The following TC2N variants were observed in gnomAD, a reference collection of about 807,000 sequenced individuals.
TC2N encodes tandem C2 domains, nuclear, also known as tandem C2 domains nuclear protein.
A neutral mutation model predicts 61.9 loss-of-function variants in TC2N; 51 were observed. The observed-to-expected ratio is 0.82, with a 90% CI of 0.66 to 1.04. TC2N has a LOEUF of 1.04. TC2N is among the 50% of genes least tolerant of loss of function. The pLI is 0.00. For synonymous variants in TC2N, 204 were observed against 192.6 expected, an observed-to-expected ratio of 1.06 and a Z score of -0.49; for missense variants, 556 against 566.7, an observed-to-expected ratio of 0.98 and a Z score of 0.19.
chr14:91,820,131 A>T (rs542850172), intron 1 of TC2N, among the ~76,000 whole-genome samples: 14 of 152,232 alleles, frequency 9.2e-5, no homozygotes, highest in Middle Eastern at 6.8e-3. Context: ...GAAGTATGAT[A>T]CAAGTATATG....
At chr14:91,862,507 G>C (rs1353095507) in intron 1 of TC2N, among the ~76,000 whole-genome samples, 1 of 152,200 alleles carries the variant, frequency 6.6e-6, no homozygotes, top group African/African-American at 2.4e-5. Context: ...CAGCAAAGGA[G>C]CGGAGTGGGG....
chr14:91,856,207 G>A (rs1457274000), intron 1 of TC2N, among the ~76,000 whole-genome samples: 2 of 152,090 alleles, frequency 1.3e-5, no homozygotes, highest in Non-Finnish European at 2.9e-5. Flanking sequence ...TACTTTTAAG[G>A]GCCAGGCGTC....
At chr14:91,823,206 C>T (rs992894099) in intron 1 of TC2N, among the ~76,000 whole-genome samples, 6 of 151,822 alleles carry the variant, frequency 4.0e-5, no homozygotes, top group Admixed American at 1.3e-4. Context: ...AAAACATTAG[C>T]AGAGCCGAAG....
intron 1 of TC2N, among the ~76,000 whole-genome samples, chr14:91,852,937 G>C (rs1888404114): frequency 6.6e-6 from 1 of 152,074 alleles, no homozygotes. Context: ...CAGGCGTGGT[G>C]GTGGGTGCCT....
intron 1 of TC2N, among the ~76,000 whole-genome samples, chr14:91,840,924 C>T (rs1440282983): frequency 6.6e-6 from 1 of 152,166 alleles, no homozygotes; most frequent in Non-Finnish European, 1.5e-5. Flanking sequence ...TCAGTGCCCT[C>T]CCACAAAGCC....
intron 1 of TC2N, among the ~76,000 whole-genome samples, chr14:91,834,177 T>C (rs1488105710): frequency 6.6e-6 from 1 of 152,118 alleles, no homozygotes; most frequent in East Asian, 1.9e-4. Context: ...GGAACTCAGG[T>C]AAAATAGAGT....
At chr14:91,823,721 T>C (rs1267555852) in intron 1 of TC2N, among the ~76,000 whole-genome samples, 1 of 152,144 alleles carries the variant, frequency 6.6e-6, no homozygotes, top group Non-Finnish European at 1.5e-5. Flanking sequence ...GACTATGTGC[T>C]GGCTATCTAC....
intron 1 of TC2N, among the ~76,000 whole-genome samples, chr14:91,834,760 T>C (rs1423201242): frequency 6.6e-6 from 1 of 152,226 alleles, no homozygotes; most frequent in African/African-American, 2.4e-5. Flanking sequence ...ATGAGACCAC[T>C]GCCCCCTAGA....
At chr14:91,839,137 TA>T (rs1413777407) in intron 1 of TC2N, among the ~76,000 whole-genome samples, 1 of 152,210 alleles carries the variant, frequency 6.6e-6, no homozygotes, top group Non-Finnish European at 1.5e-5. Context: ...ATTCATTCTT[TA>T]TTTAATGCAG....
At chr14:91,807,602 AT>A (rs1378247402) in intron 3 of TC2N, among the ~76,000 whole-genome samples, 1 of 152,178 alleles carries the variant, frequency 6.6e-6, no homozygotes, top group Non-Finnish European at 1.5e-5. Flanking sequence ...CCCATTTGGA[AT>A]GGGTGTATTT....
At chr14:91,807,054 T>A (rs372539382) in intron 3 of TC2N, among the ~76,000 whole-genome samples, 36 of 152,276 alleles carry the variant, frequency 2.4e-4, no homozygotes, top group African/African-American at 7.5e-4. Context: ...AAGCCCCAAG[T>A]CTTGGCAGCT....
intron 1 of TC2N, among the ~76,000 whole-genome samples, chr14:91,832,664 C>T (rs1372426150): frequency 6.6e-6 from 1 of 152,102 alleles, no homozygotes; most frequent in Non-Finnish European, 1.5e-5. Context: ...TAAACTGGTA[C>T]AGCCACTTTA....
At chr14:91,859,412 T>C (rs76983200) in intron 1 of TC2N, among the ~76,000 whole-genome samples, 2,255 of 152,134 alleles carry the variant, frequency 0.015, 60 homozygotes, top group African/African-American at 0.052. Flanking sequence ...TCCCTAAGCC[T>C]CCGTACCCGA....
intron 1 of TC2N, among the ~76,000 whole-genome samples, chr14:91,844,374 T>C (rs1019924705): frequency 1.3e-5 from 2 of 152,092 alleles, no homozygotes; most frequent in Admixed American, 6.6e-5. Flanking sequence ...CCAAACAACA[T>C]CCTTGCCAAA....
At chr14:91,795,226 T>C (rs1160353731) in intron 8 of TC2N, among the ~76,000 whole-genome samples, 3 of 152,204 alleles carry the variant, frequency 2.0e-5, no homozygotes. Flanking sequence ...CTGGTGAAGA[T>C]GCTGTGAACG....
At chr14:91,796,191 TCTAG>T (rs547590318) in intron 8 of TC2N, among the ~76,000 whole-genome samples, 10 of 152,134 alleles carry the variant, frequency 6.6e-5, no homozygotes, top group Non-Finnish European at 1.5e-4. Context: ...AAGGTTTATT[TCTAG>T]CTAGACTTTC....
intron 1 of TC2N, among the ~76,000 whole-genome samples, chr14:91,838,204 A>G (rs1317512196): frequency 2.8e-5 from 4 of 144,674 alleles, no homozygotes; most frequent in Non-Finnish European, 6.0e-5. Context: ...TTGCAGTGGC[A>G]CAATCATAGC....
At chr14:91,856,542 G>A (rs868406725) in intron 1 of TC2N, among the ~76,000 whole-genome samples, 4 of 151,916 alleles carry the variant, frequency 2.6e-5, no homozygotes, top group Non-Finnish European at 5.9e-5. Context: ...TAGGGAGGAG[G>A]GAGAGCTGTG....
At position 91,782,923 on chromosome 14, in the gene TC2N, T is replaced by G; in HGVS notation, c.*177A>C. ...AAACATTTCCTTTACTTTGGATATC[T>G]GATAAAATTCATTACATTTTCTTAT... On this transcript the variant is annotated 3_prime_UTR_variant, in exon 12 of 12. Coordinates refer to ENST00000435962, the MANE Select transcript of TC2N (RefSeq NM_001128596.3). 8.0e-6 allele frequency: 4 copies of G among 499,364 alleles called. 1 individual carries two copies. In the South Asian group the frequency reaches 1.0e-4, roughly 13 times the overall value. The allele number at this position is 499,364 out of a possible 1,614,324, so 30.9% of individuals were successfully genotyped here. A position where few individuals can be genotyped will look rare whatever the true frequency, so the allele number is the denominator to read the frequency against.
Sources: allele counts gnomAD v4.1 joint callset (sites outside exome capture counted in the v4.1 genomes callset), GRCh38; gene constraint gnomAD v4.1.1; transcripts MANE v1.5; gene names NCBI Gene and HGNC (gene_info 2026-07-23, HGNC 2026-07-21).